FUT9: variants seen among roughly 807,000 people sequenced by gnomAD.
FUT9 encodes 4-galactosyl-N-acetylglucosaminide 3-alpha-L-fucosyltransferase 9.
In FUT9, 15 loss-of-function variants were observed where a neutral mutation model predicts 29.7. That is an observed-to-expected ratio of 0.51 (90% CI 0.34 to 0.78). The LOEUF is 0.78. Ranked by LOEUF, FUT9 falls within the 30% of genes least tolerant of loss-of-function variation. FUT9 has a pLI of 0.01. For missense variants in FUT9, 319 were observed against 425.4 expected, an observed-to-expected ratio of 0.75 and a Z score of 2.20; for synonymous variants, 169 against 153.7, an observed-to-expected ratio of 1.10 and a Z score of -0.74.
At chr6:96,054,790 A>C (rs1034861407) in intron 1 of FUT9, among the ~76,000 whole-genome samples, 1 of 152,162 alleles carries the variant, frequency 6.6e-6, no homozygotes, top group African/African-American at 2.4e-5. Context: ...AAAGAGCGAG[A>C]AAAAAATAGT....
intron 2 of FUT9, among the ~76,000 whole-genome samples, chr6:96,151,678 T>G (rs2127976844): frequency 6.6e-6 from 1 of 152,184 alleles, no homozygotes; most frequent in South Asian, 2.1e-4. Context: ...GTGAGCTGAG[T>G]TTTGTTATAT....
chr6:96,029,100 C>T (rs1046588027), intron 1 of FUT9, among the ~76,000 whole-genome samples: 2 of 151,444 alleles, frequency 1.3e-5, no homozygotes, highest in Non-Finnish European at 3.0e-5. Context: ...TAGGTTCCTC[C>T]ACTGAGAAAC....
chr6:96,031,765 C>T (rs74617608), intron 1 of FUT9, among the ~76,000 whole-genome samples: 46 of 151,628 alleles, frequency 3.0e-4, no homozygotes, highest in African/African-American at 1.1e-3. Context: ...AAATACTTTA[C>T]TTCTACTTTT....
At chr6:96,091,803 A>C (rs1000968559) in intron 1 of FUT9, among the ~76,000 whole-genome samples, 1 of 152,098 alleles carries the variant, frequency 6.6e-6, no homozygotes, top group Non-Finnish European at 1.5e-5. Flanking sequence ...CCATTTAAAA[A>C]GTTGGTAAGG....
intron 2 of FUT9, among the ~76,000 whole-genome samples, chr6:96,180,111 G>A (rs1343312594): frequency 6.6e-6 from 1 of 152,046 alleles, no homozygotes. Context: ...TACTGCTTTG[G>A]TGGCAATTTC....
intron 2 of FUT9, among the ~76,000 whole-genome samples, chr6:96,172,661 A>G (rs1182132857): frequency 6.6e-6 from 1 of 152,170 alleles, no homozygotes; most frequent in Non-Finnish European, 1.5e-5. Context: ...ATTGAAAAAA[A>G]AAACTGGACA....
chr6:96,161,881 A>C (rs2127980163), intron 2 of FUT9, among the ~76,000 whole-genome samples: 1 of 152,250 alleles, frequency 6.6e-6, no homozygotes, highest in East Asian at 1.9e-4. Flanking sequence ...GTGGATTTTG[A>C]CTTCTTTCCT....
intron 1 of FUT9, among the ~76,000 whole-genome samples, chr6:96,031,650 T>C (rs1395440009): frequency 6.6e-6 from 1 of 151,524 alleles, no homozygotes. Context: ...TATAAGGAAG[T>C]ATACCTTTGA....
intron 1 of FUT9, among the ~76,000 whole-genome samples, chr6:96,073,235 G>T (rs933322806): frequency 1.3e-5 from 2 of 152,106 alleles, no homozygotes; most frequent in African/African-American, 4.8e-5. Flanking sequence ...TGGATCACAA[G>T]GTCAGGTGTT....
intron 2 of FUT9, among the ~76,000 whole-genome samples, chr6:96,197,622 A>C (rs1241154502): frequency 6.6e-6 from 1 of 152,198 alleles, no homozygotes; most frequent in African/African-American, 2.4e-5. Flanking sequence ...GGAATGGTTT[A>C]ATAGTACACA....
rs1773771529 is a variant in FUT9, at chr6:96,203,704, A to G, written c.549A>G (p.Pro183=). The change falls in exon 3 of 3, where the codon CCA becomes CCG. Residue 183 remains proline, a synonymous_variant. Transcript: ENST00000302103. ...VSTNPFVFEV[P]SKEKLVCWVV... is the part of the protein sequence containing the mutation. ...CAAATCCCTTCGTGTTTGAAGTGCC[A>G]AGCAAAGAGAAATTGGTGTGCTGGG... The G allele has an allele frequency of 6.2e-7, 1 of 1,613,934 alleles. No individual in the cohort carries two copies.
intron 2 of FUT9, among the ~76,000 whole-genome samples, chr6:96,169,910 G>C (rs1034428835): frequency 1.3e-5 from 2 of 152,108 alleles, no homozygotes; most frequent in Non-Finnish European, 2.9e-5. Context: ...GAGAAAACTT[G>C]AGTGAGTGAT....
chr6:96,162,504 C>T (rs576174880), intron 2 of FUT9, among the ~76,000 whole-genome samples: 1 of 152,254 alleles, frequency 6.6e-6, no homozygotes, highest in South Asian at 2.1e-4. Flanking sequence ...CTAACTGTAA[C>T]CTTACCCTTT....
intron 2 of FUT9, among the ~76,000 whole-genome samples, chr6:96,129,633 C>T (rs1772204920): frequency 6.6e-6 from 1 of 151,806 alleles, no homozygotes; most frequent in African/African-American, 2.4e-5. Flanking sequence ...GGATATATGA[C>T]ACACTGAAAC....
intron 1 of FUT9, among the ~76,000 whole-genome samples, chr6:96,100,655 G>T (rs1771572662): frequency 6.6e-6 from 1 of 152,182 alleles, no homozygotes; most frequent in South Asian, 2.1e-4. Flanking sequence ...GAGGAGTGAT[G>T]ATCGATAAGC....
At chr6:96,108,303 C>A (rs895965416) in intron 1 of FUT9, among the ~76,000 whole-genome samples, 5 of 152,066 alleles carry the variant, frequency 3.3e-5, no homozygotes, top group African/African-American at 1.2e-4. Flanking sequence ...CACATCACAC[C>A]AAGAATGAGA....
rs988570756 is a variant in FUT9, at chr6:96,165,372, A to G, written c.-8-37776A>G. ...CTTGAACCAGGGAGGTGGAAGTTGC[A>G]GTGAGCCAAGATCACACCACTGCAC... is the stretch of plus-strand genomic sequence containing the variant. On this transcript the variant is annotated intron_variant, in intron 2 of 2. Coordinates refer to ENST00000302103, the MANE Select transcript of FUT9 (RefSeq NM_006581.4). Among the ~76,000 whole-genome samples, 16 of 151,852 alleles carry G rather than the reference A, an allele frequency of 1.1e-4. 1 individual carries two copies. In the South Asian group the frequency reaches 2.7e-3, roughly 26 times the overall value.
At chr6:96,195,477 A>G (rs538327816) in intron 2 of FUT9, among the ~76,000 whole-genome samples, 1 of 152,288 alleles carries the variant, frequency 6.6e-6, no homozygotes, top group African/African-American at 2.4e-5. Context: ...TTCGTGCCAA[A>G]AAGTAAAGGG....
Position 96,118,809 on chromosome 6 carries a change from T to G in FUT9, c.-9+4682T>G, listed in dbSNP as rs553189432. Among the ~76,000 whole-genome samples, 30 of 152,266 alleles carry G rather than the reference T, an allele frequency of 2.0e-4. 1 individual carries two copies. Among genetic ancestry groups the G allele is most frequent in the Admixed American group, 1.8e-3 (28 of 15,298 alleles). On this transcript the variant is annotated intron_variant, in intron 2 of 2. Coordinates refer to ENST00000302103, the MANE Select transcript of FUT9 (RefSeq NM_006581.4). ...AGGTAGAAGACAGTGATATTGATGA[T>G]CTTCACCCTGTGTAGACCTAGGCTA...
Sources: gnomAD v4.1 joint callset for allele counts (sites outside exome capture counted in the v4.1 genomes callset) on GRCh38, gnomAD v4.1.1 for gene constraint, MANE v1.5 for transcripts, NCBI Gene and HGNC (gene_info 2026-07-23, HGNC 2026-07-21) for gene names.